CSMD1: variants seen among roughly 807,000 people sequenced by gnomAD.
CSMD1 encodes the protein CUB and sushi domain-containing protein 1.
CSMD1 carries 213 observed loss-of-function variants against 417.5 expected under a neutral mutation model. The observed-to-expected ratio is 0.51, with a 90% CI of 0.46 to 0.57. The LOEUF (loss-of-function observed/expected upper bound fraction) is 0.57, where lower values mean the gene tolerates loss of function less well. Ranked by LOEUF, CSMD1 falls within the 20% of genes least tolerant of loss-of-function variation. The pLI is 0.00. For synonymous variants in CSMD1, 2,862 were observed against 1,736.8 expected, an observed-to-expected ratio of 1.65 and a Z score of -16.11; for missense variants, 6,923 against 4,529.7, an observed-to-expected ratio of 1.53 and a Z score of -15.17.
At chr8:4,117,061 G>C (rs62501352) in intron 3 of CSMD1, among the ~76,000 whole-genome samples, 2 of 151,620 alleles carry the variant, frequency 1.3e-5, no homozygotes, top group East Asian at 2.0e-4. Flanking sequence ...TAGTTAACCA[G>C]AATGAAATCT....
chr8:3,652,204 T>C, intron 7 of CSMD1, among the ~76,000 whole-genome samples: 1 of 148,564 alleles, frequency 6.7e-6, no homozygotes, highest in African/African-American at 2.5e-5. Flanking sequence ...TCAGCGGGCC[T>C]ACCACCATCA....
chr8:4,916,278 A>G (rs1212654648), intron 1 of CSMD1, among the ~76,000 whole-genome samples: 1 of 152,246 alleles, frequency 6.6e-6, no homozygotes, highest in Admixed American at 6.5e-5. Context: ...ACGGGGTAAT[A>G]TCACATCAAG....
At position 4,265,886 on chromosome 8, in the gene CSMD1, C is replaced by G. The variant is rs113077940; in HGVS notation, c.415+154067G>C. Among the ~76,000 whole-genome samples the G allele has an allele frequency of 6.3e-3, 656 of 104,604 alleles. 110 individuals carry two copies. The highest frequency in any genetic ancestry group is 0.016 in the African/African-American group (625 of 38,390). 68.6% of individuals were successfully genotyped at this position (104,604 alleles called of 152,430 possible). On this transcript the variant is annotated intron_variant, in intron 3 of 69. Transcript: ENST00000635120. Reference sequence around the variant, plus strand: ...CATGGTGTCCCCACAGATAAAGATTCCCACACAAATCCAAAATAAAATGTG... The same window carrying G: ...CATGGTGTCCCCACAGATAAAGATTGCCACACAAATCCAAAATAAAATGTG...
intron 2 of CSMD1, among the ~76,000 whole-genome samples, chr8:4,587,382 T>A (rs561568940): frequency 6.6e-6 from 1 of 151,644 alleles, no homozygotes; most frequent in Non-Finnish European, 1.5e-5. Context: ...TATATGTATA[T>A]GTACATACAT....
chr8:3,104,528 T>C (rs1380555298), intron 46 of CSMD1, among the ~76,000 whole-genome samples: 3 of 151,982 alleles, frequency 2.0e-5, no homozygotes, highest in South Asian at 2.1e-4. Context: ...ACAACTTCAA[T>C]GTTAATATTT....
intron 5 of CSMD1, among the ~76,000 whole-genome samples, chr8:3,843,502 G>A (rs1394676702): frequency 2.0e-5 from 3 of 151,848 alleles, no homozygotes; most frequent in African/African-American, 4.8e-5. Context: ...TGAAACATGA[G>A]ACAGATATGA....
At chr8:3,524,698 G>T (rs777004908) in intron 10 of CSMD1, among the ~76,000 whole-genome samples, 2 of 136,274 alleles carry the variant, frequency 1.5e-5, no homozygotes, top group African/African-American at 2.8e-5. Context: ...CCAAAGAGAC[G>T]TGCACACACA....
chr8:3,339,288 C>G lies in CSMD1; in HGVS notation c.3631+4006G>C, dbSNP rs1456601188. 3.9e-5 allele frequency among the ~76,000 whole-genome samples: 6 copies of G among 152,088 alleles called. No homozygotes were observed. In the East Asian group the frequency reaches 5.8e-4, roughly 15 times the overall value. Reference sequence around the variant, plus strand: ...ATCTGTAATTCCTCATCCATTTTCACAGGCCCTTCACTTCAAGCCTCTGTT... The same window carrying G: ...ATCTGTAATTCCTCATCCATTTTCAGAGGCCCTTCACTTCAAGCCTCTGTT... On this transcript the variant is annotated intron_variant, in intron 23 of 69. Coordinates refer to ENST00000635120, the MANE Select transcript of CSMD1 (RefSeq NM_033225.6).
chr8:3,682,696 A>G (rs1799727137), intron 7 of CSMD1, among the ~76,000 whole-genome samples: 1 of 152,250 alleles, frequency 6.6e-6, no homozygotes, highest in South Asian at 2.1e-4. Context: ...TACTGGGTAT[A>G]TACCCAAAAG....
intron 5 of CSMD1, among the ~76,000 whole-genome samples, chr8:3,809,409 C>A (rs940985088): frequency 6.6e-6 from 1 of 152,164 alleles, no homozygotes; most frequent in Non-Finnish European, 1.5e-5. Flanking sequence ...GGACTGTAAA[C>A]CTTTGTTTCC....
chr8:3,769,421 T>C (rs887859338), intron 5 of CSMD1, among the ~76,000 whole-genome samples: 2 of 119,564 alleles, frequency 1.7e-5, no homozygotes, highest in African/African-American at 2.6e-5. Context: ...ATATGTCAGA[T>C]ACATCCAATT....
intron 10 of CSMD1, among the ~76,000 whole-genome samples, chr8:3,499,044 T>A (rs1243210025): frequency 2.0e-5 from 3 of 152,160 alleles, no homozygotes; most frequent in Non-Finnish European, 2.9e-5. Flanking sequence ...CCCTTGGGGG[T>A]GTCATGTTTC....
At chr8:4,801,433 T>C (rs1453799549) in intron 1 of CSMD1, among the ~76,000 whole-genome samples, 1 of 151,660 alleles carries the variant, frequency 6.6e-6, no homozygotes, top group Non-Finnish European at 1.5e-5. Flanking sequence ...AGTCAGCTAC[T>C]CTTAGCGGAC....
intron 10 of CSMD1, among the ~76,000 whole-genome samples, chr8:3,513,152 T>A (rs1427419023): frequency 6.6e-6 from 1 of 152,062 alleles, no homozygotes; most frequent in Admixed American, 6.6e-5. Context: ...CCTTTATGGA[T>A]TCAGCTACAA....
chr8:4,403,113 G>C (rs369948571), intron 3 of CSMD1, among the ~76,000 whole-genome samples: 226 of 152,166 alleles, frequency 1.5e-3, no homozygotes, highest in African/African-American at 5.1e-3. Context: ...TTACAGGCGT[G>C]AGCCACTGCC....
At chr8:4,148,881 C>G (rs1274719104) in intron 3 of CSMD1, among the ~76,000 whole-genome samples, 1 of 152,192 alleles carries the variant, frequency 6.6e-6, no homozygotes, top group Non-Finnish European at 1.5e-5. Context: ...GAGACACAGC[C>G]TGCATTCCAT....
chr8:4,979,272 G>A (rs1306824635), intron 1 of CSMD1, among the ~76,000 whole-genome samples: 2 of 152,148 alleles, frequency 1.3e-5, no homozygotes, highest in East Asian at 1.9e-4. Context: ...CTTAGTAAGA[G>A]CCATGCGTGG....
intron 21 of CSMD1, 26 bp downstream of exon 21, chr8:3,359,126 T>C (rs779381261): frequency 3.8e-5 from 62 of 1,612,006 alleles, no homozygotes; most frequent in Non-Finnish European, 4.9e-5. Context: ...CATGGATGAA[T>C]GAAATGAAAG....
rs559856824 is a variant in CSMD1, at chr8:4,063,971, A to T, written c.416-31872T>A. On this transcript the variant is annotated intron_variant, in intron 3 of 69. Coordinates refer to ENST00000635120, the MANE Select transcript of CSMD1 (RefSeq NM_033225.6). ...ATCATAAAATATTAAACAAAAAGAG[A>T]GTGTGTGTTGGGAAAATGGGGAAAT... Among the ~76,000 whole-genome samples, 12 of 152,164 alleles carry T rather than the reference A, an allele frequency of 7.9e-5. No individual in the cohort carries two copies. In the South Asian group the frequency reaches 2.3e-3, roughly 29 times the overall value.
Sources: gnomAD v4.1 joint callset for allele counts (sites outside exome capture counted in the v4.1 genomes callset) on GRCh38, gnomAD v4.1.1 for gene constraint, MANE v1.5 for transcripts, NCBI Gene and HGNC (gene_info 2026-07-23, HGNC 2026-07-21) for gene names.